Variants in GRIA1 observed in about 807,000 individuals in gnomAD.
The protein encoded by GRIA1 is glutamate ionotropic receptor AMPA type subunit 1.
A neutral mutation model predicts 99.2 loss-of-function variants in GRIA1; 31 were observed. The ratio of observed to expected loss-of-function variants is 0.31; its 90% confidence interval spans 0.23 to 0.42. The LOEUF is 0.42. Ranked by LOEUF, GRIA1 falls within the 10% of genes least tolerant of loss-of-function variation. The probability of loss-of-function intolerance (pLI) is 1.00; values close to 1 mark genes in which losing one functional copy is unlikely to be tolerated. For missense variants in GRIA1, 782 were observed against 1,157.5 expected, an observed-to-expected ratio of 0.68 and a Z score of 4.71; for synonymous variants, 438 against 432.4, an observed-to-expected ratio of 1.01 and a Z score of -0.16.
chr5:153,496,444 T>C lies in GRIA1; in HGVS notation c.220+2379T>C, dbSNP rs1754434869. Among the ~76,000 whole-genome samples the C allele has an allele frequency of 3.3e-5, 5 of 152,216 alleles. No homozygotes were observed. In the South Asian group the frequency reaches 1.0e-3, roughly 32 times the overall value. Reference sequence around the variant, plus strand: ...TAAAATGCCCTTGCTCTCAGGTAGCTTACAGTCTAGTGGGAAACATTGTTA... The same window carrying C: ...TAAAATGCCCTTGCTCTCAGGTAGCCTACAGTCTAGTGGGAAACATTGTTA... On this transcript the variant is annotated intron_variant, in intron 2 of 15. Transcript: ENST00000285900.
intron 2 of GRIA1, among the ~76,000 whole-genome samples, chr5:153,645,111 C>T (rs1561722571): frequency 6.6e-6 from 1 of 152,066 alleles, no homozygotes; most frequent in Non-Finnish European, 1.5e-5. Flanking sequence ...GTGATTTTGT[C>T]ACTGAAAACC....
chr5:153,573,825 A>C (rs561761866), intron 2 of GRIA1, among the ~76,000 whole-genome samples: 10 of 152,284 alleles, frequency 6.6e-5, no homozygotes, highest in African/African-American at 2.4e-4. Context: ...GCTGCATGCC[A>C]AATGCTCGTG....
At chr5:153,803,511 AT>A (rs1766194936) in intron 15 of GRIA1, among the ~76,000 whole-genome samples, 1 of 152,212 alleles carries the variant, frequency 6.6e-6, no homozygotes, top group African/African-American at 2.4e-5. Flanking sequence ...CAGTGAGGCA[AT>A]CTATGGCATA....
intron 5 of GRIA1, among the ~76,000 whole-genome samples, chr5:153,657,506 T>C (rs1489309798): frequency 3.9e-5 from 6 of 152,230 alleles, no homozygotes; most frequent in Non-Finnish European, 7.4e-5. Context: ...TTTAACCATG[T>C]TATTTTGTGT....
chr5:153,719,543 G>C (rs1334746495), intron 11 of GRIA1, among the ~76,000 whole-genome samples: 1 of 151,934 alleles, frequency 6.6e-6, no homozygotes. Context: ...CCCTCTCCTG[G>C]CTCCTCTGTG....
rs377626018 is a variant in GRIA1 at position 153,547,355 on chromosome 5, TTCTC to T, written c.220+53296_220+53299del. Among the ~76,000 whole-genome samples the T allele has an allele frequency of 2.8e-3, 431 of 152,270 alleles. 7 individuals carry two copies. Among genetic ancestry groups the T allele is most frequent in the South Asian group, 0.018 (85 of 4,820 alleles). ...TCTAGGCTATAGAAATGTCTCCTATTTCTCTCTCTTTTAACCACATAGTTCAATA... is the reference window on the plus strand; with the variant it reads ...TCTAGGCTATAGAAATGTCTCCTATTTCTCTTTTAACCACATAGTTCAATA... On this transcript the variant is annotated intron_variant, in intron 2 of 15. Transcript: ENST00000285900.
intron 8 of GRIA1, among the ~76,000 whole-genome samples, chr5:153,687,141 C>A (rs1014360430): frequency 3.9e-5 from 6 of 152,190 alleles, no homozygotes; most frequent in African/African-American, 1.4e-4. Context: ...TATTATGCTT[C>A]ATGGAAGCCT....
chr5:153,784,336 C>T (rs1000179252), intron 13 of GRIA1, among the ~76,000 whole-genome samples: 17 of 152,132 alleles, frequency 1.1e-4, no homozygotes, highest in African/African-American at 3.6e-4. Context: ...ACTCAAATCA[C>T]GCCTTCAGAC....
chr5:153,626,432 G>C (rs974935629), intron 2 of GRIA1, among the ~76,000 whole-genome samples: 2 of 138,858 alleles, frequency 1.4e-5, no homozygotes, highest in African/African-American at 2.8e-5. Context: ...TCTAGTCTCT[G>C]TGTGTGTGTG....
At chr5:153,500,863 T>G (rs940965382) in intron 2 of GRIA1, among the ~76,000 whole-genome samples, 1 of 152,144 alleles carries the variant, frequency 6.6e-6, no homozygotes, top group Non-Finnish European at 1.5e-5. Flanking sequence ...TTTGAAGACA[T>G]GGATTCAAAT....
At chr5:153,761,671 A>G (rs544790453) in intron 11 of GRIA1, among the ~76,000 whole-genome samples, 1 of 152,330 alleles carries the variant, frequency 6.6e-6, no homozygotes, top group South Asian at 2.1e-4. Flanking sequence ...TTGAGTAAAT[A>G]TACAAAGGAA....
chr5:153,494,050 G>C lies in GRIA1; in HGVS notation c.205G>C (p.Glu69Gln), dbSNP rs1754183528. 2 of 1,613,922 alleles carry C rather than the reference G, an allele frequency of 1.2e-6. No individual in the cohort carries two copies. Among genetic ancestry groups the C allele is most frequent in the Non-Finnish European group, 1.7e-6 (2 of 1,179,902 alleles). The part of the protein sequence containing the change: ...IDIVNISDSF[E>Q]MTYRFCSQFS... ...TATTGTGAACATCAGCGACAGCTTT[G>C]AGATGACCTATAGATGTAAGTAATT... Residue 69 changes from glutamate (E) to glutamine (Q), a missense_variant, in exon 2 of 16, where the codon GAG (glutamate) becomes CAG (glutamine). By Grantham distance (29) the Glu-to-Gln change is conservative (BLOSUM62 2). This residue lies in a region of GRIA1 where 461 missense variants were observed against 521.7 expected (regional missense o/e 0.88). Transcript: ENST00000285900.
intron 11 of GRIA1, among the ~76,000 whole-genome samples, chr5:153,755,036 A>G (rs140795406): frequency 1.3e-5 from 2 of 152,232 alleles, no homozygotes; most frequent in Middle Eastern, 3.4e-3. Context: ...GGGGAAAGAG[A>G]AGCATGTGAT....
chr5:153,722,003 C>T (rs10067262), intron 11 of GRIA1, among the ~76,000 whole-genome samples: 80,820 of 152,018 alleles, frequency 0.53, 22,337 homozygotes, highest in East Asian at 0.94. Flanking sequence ...CACATTTGCC[C>T]TTTTCCTTTT....
chr5:153,750,587 C>G (rs542993084), intron 11 of GRIA1, among the ~76,000 whole-genome samples: 19 of 152,132 alleles, frequency 1.2e-4, no homozygotes, highest in Non-Finnish European at 2.1e-4. Context: ...CCTACACAGG[C>G]CCCAAGTGTC....
chr5:153,791,272 CA>C lies in GRIA1; in HGVS notation c.2271-3334del, dbSNP rs111735656. Among the ~76,000 whole-genome samples, 1,023 of 125,342 alleles carry C rather than the reference CA, an allele frequency of 8.2e-3. 7 individuals carry two copies. Among genetic ancestry groups the C allele is most frequent in the East Asian group, 0.032 (142 of 4,374 alleles). The allele number at this position is 125,342 out of a possible 152,430, so 82.2% of individuals were successfully genotyped here. A position where few individuals can be genotyped will look rare whatever the true frequency, so the allele number is the denominator to read the frequency against. The stretch of plus-strand genomic sequence containing the variant: ...CAACATAGTGAGACCTCATATCTAC[CA>C]AAAAAAAAAAAAAATTAATAGAAAA... On this transcript the variant is annotated intron_variant, in intron 13 of 15. Transcript: ENST00000285900.
chr5:153,698,076 C>A lies in GRIA1; in HGVS notation c.1167C>A (p.Val389=). 1 of 1,609,166 alleles carries A rather than the reference C, an allele frequency of 6.2e-7. No homozygotes were observed. Among genetic ancestry groups the A allele is most frequent in the South Asian group, 1.1e-5 (1 of 90,956 alleles). The stretch of plus-strand genomic sequence containing the variant: ...ACTGGAATGAAGATGATAAGTTTGT[C>A]CCTGCAGCCACCGATGCCCAAGCTG... The part of the protein sequence containing the change: ...IGYWNEDDKF[V]PAATDAQAGG... Residue 389 remains valine, a synonymous_variant, in exon 9 of 16, where the codon GTC becomes GTA. Transcript: ENST00000285900.
rs368502704 is a variant in GRIA1, at chr5:153,802,412, C to T, written c.2442C>T (p.Ile814=). ...SNVAGVFYIL[I]GGLGLAMLVA... ...TGGCAGGCGTGTTCTACATCCTGAT[C>T]GGAGGACTTGGACTAGCCATGCTGG... is the stretch of plus-strand genomic sequence containing the variant. The change falls in exon 15 of 16, where the codon ATC becomes ATT. Residue 814 remains isoleucine, a synonymous_variant. Coordinates refer to ENST00000285900, the MANE Select transcript of GRIA1 (RefSeq NM_000827.4). 48 of 1,613,538 alleles carry T rather than the reference C, an allele frequency of 3.0e-5. No homozygotes were observed. Among genetic ancestry groups the T allele is most frequent in the Middle Eastern group, 1.6e-4 (1 of 6,062 alleles).
At chr5:153,729,837 TAATC>T (rs768580311) in intron 11 of GRIA1, among the ~76,000 whole-genome samples, 2 of 152,066 alleles carry the variant, frequency 1.3e-5, no homozygotes, top group Non-Finnish European at 2.9e-5. Flanking sequence ...GTAAACAACT[TAATC>T]AATCAATGTT....
Sources: gnomAD v4.1 joint callset for allele counts (sites outside exome capture counted in the v4.1 genomes callset) on GRCh38, gnomAD v4.1.1 for gene constraint, gnomAD v4.1.1 regional missense constraint, MANE v1.5 for transcripts, NCBI Gene and HGNC (gene_info 2026-07-23, HGNC 2026-07-21) for gene names.